Variants in SASH1 observed in about 807,000 individuals in gnomAD.
The protein encoded by SASH1 is SAM and SH3 domain containing 1.
SASH1 carries 44 observed loss-of-function variants against 125.2 expected under a neutral mutation model. The observed-to-expected ratio is 0.35, with a 90% CI of 0.28 to 0.45. The LOEUF (loss-of-function observed/expected upper bound fraction) is 0.45, where lower values mean the gene tolerates loss of function less well. Ranked by LOEUF, SASH1 falls within the 20% of genes least tolerant of loss-of-function variation. SASH1 has a pLI of 1.00. For missense variants in SASH1, 1,426 were observed against 1,614.5 expected, an observed-to-expected ratio of 0.88 and a Z score of 2.00; for synonymous variants, 639 against 649.1, an observed-to-expected ratio of 0.98 and a Z score of 0.24.
chr6:148,253,122 C>A, the SASH1 span, among the ~76,000 whole-genome samples: 1 of 152,156 alleles, frequency 6.6e-6, no homozygotes, highest in Non-Finnish European at 1.5e-5. Context: ...CCTAGAATAG[C>A]CAAAACAGTC....
the SASH1 span, among the ~76,000 whole-genome samples, chr6:148,252,396 A>G: frequency 6.6e-6 from 1 of 152,110 alleles, no homozygotes; most frequent in Admixed American, 6.6e-5. Context: ...TTAATAATTC[A>G]AAAACAACAG....
chr6:148,455,871 C>T (rs1414458360), intron 4 of SASH1, among the ~76,000 whole-genome samples: 1 of 152,112 alleles, frequency 6.6e-6, no homozygotes, highest in Non-Finnish European at 1.5e-5. Flanking sequence ...TGTGCTGTGG[C>T]AGCGAGAGGA....
Position 148,343,022 on chromosome 6 carries a change from G to C in SASH1, c.-46G>C. ...AGGCTGCGCGCGGGTGCGGGGCGAG[G>C]GCGCCGCGGGGACTGGGACGCACGG... On this transcript the variant is annotated 5_prime_UTR_variant, in exon 1 of 20. Coordinates refer to ENST00000367467, the MANE Select transcript of SASH1 (RefSeq NM_015278.5). 1 of 1,162,258 alleles carries C rather than the reference G, an allele frequency of 8.6e-7. No homozygotes were observed. Among genetic ancestry groups the C allele is most frequent in the East Asian group, 4.0e-5 (1 of 25,010 alleles). 72.0% of individuals were successfully genotyped at this position (1,162,258 alleles called of 1,614,324 possible). A position where few individuals can be genotyped will look rare whatever the true frequency, so the allele number is the denominator to read the frequency against.
chr6:148,437,897 A>G (rs1271646680), intron 2 of SASH1, among the ~76,000 whole-genome samples: 2 of 152,260 alleles, frequency 1.3e-5, no homozygotes, highest in African/African-American at 4.8e-5. Context: ...ATAATGTACC[A>G]TATATGTTAC....
intron 8 of SASH1, chr6:148,512,981 G>T (rs1386311033): frequency 1.0e-6 from 1 of 985,248 alleles, no homozygotes; most frequent in Admixed American, 6.1e-5. Context: ...GACATCAGTT[G>T]TTTATATCCC....
chr6:148,463,285 C>T (rs1777698078), intron 4 of SASH1, among the ~76,000 whole-genome samples: 1 of 152,046 alleles, frequency 6.6e-6, no homozygotes, highest in African/African-American at 2.4e-5. Flanking sequence ...GCTGCGATTA[C>T]AGGTGCTCTC....
At chr6:148,413,390 C>T (rs1285267931) in intron 2 of SASH1, among the ~76,000 whole-genome samples, 5 of 151,846 alleles carry the variant, frequency 3.3e-5, no homozygotes, top group Non-Finnish European at 5.9e-5. Context: ...ATTTAGGTCT[C>T]GATTGACCTA....
chr6:148,519,940 AC>A lies in SASH1; in HGVS notation c.1209+49del. 7.4e-7 allele frequency: 1 copy of A among 1,349,516 alleles called. No homozygotes were observed. Among genetic ancestry groups the A allele is most frequent in the Non-Finnish European group, 1.0e-6 (1 of 993,524 alleles). 83.6% of individuals were successfully genotyped at this position (1,349,516 alleles called of 1,614,324 possible). ...TTCTATGACAACCACCGTCGCAGGC[AC>A]CACCTTCTGGTGTCCCTGGAGGAGT... On this transcript the variant is annotated intron_variant, in intron 10 of 19. Coordinates refer to ENST00000367467, the MANE Select transcript of SASH1 (RefSeq NM_015278.5). This position sits in a 1 kb window ranked among gnomAD's most constrained non-coding sequence, Gnocchi z 4.8.
At chr6:148,513,799 A>G (rs1780283256) in intron 8 of SASH1, 1 of 986,120 alleles carries the variant, frequency 1.0e-6, no homozygotes. Context: ...AGTCTTAGCC[A>G]ATGGGATGGA....
At chr6:148,372,997 C>A (rs1782757512) in intron 1 of SASH1, among the ~76,000 whole-genome samples, 1 of 152,032 alleles carries the variant, frequency 6.6e-6, no homozygotes, top group Non-Finnish European at 1.5e-5. Context: ...GAGTTCGAGA[C>A]CAGCCTCAAC....
chr6:148,217,837 T>G, the SASH1 span, among the ~76,000 whole-genome samples: 2 of 139,796 alleles, frequency 1.4e-5, no homozygotes, highest in African/African-American at 5.4e-5. Context: ...CATAGTGAGA[T>G]CCCATCTCTA....
intron 1 of SASH1, chr6:148,280,183 T>A (rs1388884748): frequency 6.6e-6 from 1 of 151,344 alleles, no homozygotes; most frequent in East Asian, 1.9e-4. Flanking sequence ...CTCAGCCCCA[T>A]GGAACTTACA....
intron 10 of SASH1, chr6:148,524,971 C>A: frequency 3.6e-6 from 1 of 280,040 alleles, no homozygotes; most frequent in Non-Finnish European, 6.9e-6. Context: ...GACAGGGAAT[C>A]TCACAGCACT....
At chr6:148,304,745 T>C (rs2128515438) in intron 1 of SASH1, among the ~76,000 whole-genome samples, 1 of 152,312 alleles carries the variant, frequency 6.6e-6, no homozygotes, top group East Asian at 1.9e-4. Context: ...TTCTACATTC[T>C]GGCCAGGTGC....
At chr6:148,341,003 G>A (rs946574753), upstream of SASH1, among the ~76,000 whole-genome samples, 1 of 152,032 alleles carries the variant, frequency 6.6e-6, no homozygotes, top group Non-Finnish European at 1.5e-5. Flanking sequence ...CTGGTGCAGC[G>A]GTGTGCCTGT....
intron 1 of SASH1, among the ~76,000 whole-genome samples, chr6:148,300,610 A>G (rs1437512590): frequency 1.3e-5 from 2 of 151,666 alleles, no homozygotes; most frequent in Non-Finnish European, 2.9e-5. Flanking sequence ...AATCCTGGCT[A>G]GTTTTTTGTA....
At chr6:148,346,694 T>C (rs10457068) in intron 1 of SASH1, among the ~76,000 whole-genome samples, 35,219 of 152,232 alleles carry the variant, frequency 0.23, 4,647 homozygotes, top group African/African-American at 0.36. Context: ...TGCTGTAATG[T>C]AATGGGTTAC....
chr6:148,372,950 T>G (rs1386146574), intron 1 of SASH1, among the ~76,000 whole-genome samples: 1 of 152,056 alleles, frequency 6.6e-6, no homozygotes, highest in Non-Finnish European at 1.5e-5. Flanking sequence ...ATCCCAGCAC[T>G]TTGGGAGGAC....
At chr6:148,377,127 G>A (rs1232132675) in intron 1 of SASH1, among the ~76,000 whole-genome samples, 11 of 130,950 alleles carry the variant, frequency 8.4e-5, no homozygotes, top group Middle Eastern at 4.2e-3. Context: ...CCGAGATCCC[G>A]CCACTGCACT....
Sources: allele counts gnomAD v4.1 joint callset (sites outside exome capture counted in the v4.1 genomes callset), GRCh38; gene constraint gnomAD v4.1.1; non-coding constraint Gnocchi (gnomAD v3.1); transcripts MANE v1.5; gene names NCBI Gene and HGNC (gene_info 2026-07-23, HGNC 2026-07-21).